The following ZNF836 variants were observed in gnomAD, a reference collection of about 807,000 sequenced individuals.
ZNF836 encodes the protein zinc finger protein 836.
In ZNF836, 12 loss-of-function variants were observed where a neutral mutation model predicts 7.4. The ratio of observed to expected loss-of-function variants is 1.61; its 90% CI spans 1.03 to 2.61. ZNF836 has a LOEUF of 2.61. ZNF836 is among the 30% of genes most tolerant of loss of function. The pLI is 0.00. For synonymous variants in ZNF836, 365 were observed against 382.6 expected (o/e 0.95, Z 0.54); for missense variants, 998 against 1,126.2 (o/e 0.89, Z 1.63).
Position 52,160,503 on chromosome 19 carries a change from T to TC in ZNF836, c.103dup (p.Asp35GlyfsTer18). On this transcript the variant is annotated frameshift_variant, in exon 4 of 5. Transcript: ENST00000682614. LOFTEE classifies it low-confidence loss of function (END_TRUNC). Reference sequence around the variant, plus strand: ...GTTCCTGTAGTTCTCCAACATCACATCCCAGTACAAAGCTTTCTGCACAGG... The same window carrying TC: ...GTTCCTGTAGTTCTCCAACATCACATCCCCAGTACAAAGCTTTCTGCACAGG... The TC allele has an allele frequency of 6.2e-7, 1 of 1,614,138 alleles. No individual in the cohort carries two copies. Among genetic ancestry groups the TC allele is most frequent in the South Asian group, 1.1e-5 (1 of 91,086 alleles).
chr19:52,156,679 C>G lies in ZNF836; in HGVS notation c.1004G>C (p.Cys335Ser), dbSNP rs757500805. ...TGEKPYKCNE[C>S]GKTFKQGSCL... is the part of the protein sequence containing the mutation. ...TGAGCCTTGTTTGAAGGTTTTCCCA[C>G]ACTCATTACATTTGTAAGGTTTCTC... Residue 335 changes from cysteine (C) to serine (S), a missense_variant, in exon 5 of 5, where the codon TGT becomes TCT. Transcript: ENST00000682614. The G allele has an allele frequency of 1.2e-6, 2 of 1,613,982 alleles. No individual in the cohort carries two copies. The highest frequency in any genetic ancestry group is 1.7e-6 in the Non-Finnish European group (2 of 1,179,998).
intron 3 of ZNF836, among the ~76,000 whole-genome samples, chr19:52,167,652 T>C (rs7246914): frequency 0.79 from 119,425 of 151,946 alleles, 47,300 homozygotes; most frequent in African/African-American, 0.83. Flanking sequence ...CCCTCATAGG[T>C]CTCTTTTCCA....
Position 52,155,225 on chromosome 19 carries a change from T to C in ZNF836, c.2458A>G (p.Ile820Val), listed in dbSNP as rs1396032138. 2 of 1,613,968 alleles carry C rather than the reference T, an allele frequency of 1.2e-6. No individual in the cohort carries two copies. The highest frequency in any genetic ancestry group is 1.7e-6 in the Non-Finnish European group (2 of 1,179,920). ...ECGKAFRVRS[I>V]LVNHQKMHTG... Reference sequence around the variant, plus strand: ...TGCATTTTCTGATGATTAACCAGAATTGAACGCACTCTAAAGGCTTTGCCA... The same window carrying C: ...TGCATTTTCTGATGATTAACCAGAACTGAACGCACTCTAAAGGCTTTGCCA... The change falls in exon 5 of 5, where the codon ATT becomes GTT. Residue 820 changes from isoleucine to valine, a missense_variant. Physicochemically the swap from Ile to Val is conservative, Grantham distance 29. Coordinates refer to ENST00000682614, the MANE Select transcript of ZNF836 (RefSeq NM_001102657.3).
Position 52,155,000 on chromosome 19 carries a change from A to G in ZNF836, c.2683T>C (p.Cys895Arg), listed in dbSNP as rs1365722770. Residue 895 changes from cysteine to arginine, a missense_variant, in exon 5 of 5, where the codon TGT (cysteine) becomes CGT (arginine). Transcript: ENST00000682614. Reference protein sequence around the residue: ...SGEKPYKCNECGKSFISRSGL... With the variant: ...SGEKPYKCNERGKSFISRSGL... The stretch of plus-strand genomic sequence containing the variant: ...GAGCGACTAATGAAAGATTTGCCAC[A>G]CTCATTACATTTATAAGGTTTTTCT... 6.2e-7 allele frequency: 1 copy of G among 1,613,270 alleles called. No homozygotes were observed. Among genetic ancestry groups the G allele is most frequent in the Non-Finnish European group, 8.5e-7 (1 of 1,179,572 alleles).
chr19:52,158,931 A>T (rs907768511), intron 4 of ZNF836, among the ~76,000 whole-genome samples: 1 of 152,176 alleles, frequency 6.6e-6, no homozygotes, highest in Non-Finnish European at 1.5e-5. Context: ...ACCATGGTAG[A>T]TAGAATTTCA....
chr19:52,155,454 C>G lies in ZNF836; in HGVS notation c.2229G>C (p.Arg743Ser). 6.2e-7 allele frequency: 1 copy of G among 1,613,846 alleles called. No individual in the cohort carries two copies. Among genetic ancestry groups the G allele is most frequent in the South Asian group, 1.1e-5 (1 of 91,074 alleles). ...ATTTGTATGGCATCTCTCCAGTATG[C>G]CTTCTCTGATGGTACGTCAGGCCTG... ...HITGLTYHQR[R>S]HTGEMPYKCI... Residue 743 changes from arginine (R) to serine (S), a missense_variant, in exon 5 of 5, where the codon AGG (arginine) becomes AGC (serine). Arg to Ser is a moderately radical substitution (Grantham distance 110, BLOSUM62 -1). Coordinates refer to ENST00000682614, the MANE Select transcript of ZNF836 (RefSeq NM_001102657.3).
Position 52,156,088 on chromosome 19 carries a change from CCACATT to C in ZNF836, c.1589_1594del (p.Glu530_Cys531del). 2 of 1,614,062 alleles carry C rather than the reference CCACATT, an allele frequency of 1.2e-6. No homozygotes were observed. Among genetic ancestry groups the C allele is most frequent in the Non-Finnish European group, 1.7e-6 (2 of 1,179,908 alleles). On this transcript the variant is annotated inframe_deletion, in exon 5 of 5. Coordinates refer to ENST00000682614, the MANE Select transcript of ZNF836 (RefSeq NM_001102657.3). ...GCATGAATTTTCACTAAAGACCTTTCCACATTCACCGCATTGGTAACGTTTCTCTCT... is the reference window on the plus strand; with the variant it reads ...GCATGAATTTTCACTAAAGACCTTTCCACCGCATTGGTAACGTTTCTCTCT...
At chr19:52,160,642 T>C (rs1219368810) in intron 3 of ZNF836, 51 bp from the exon 4 acceptor site, 3 of 1,545,146 alleles carry the variant, frequency 1.9e-6, no homozygotes, top group Non-Finnish European at 2.6e-6. Context: ...CTCTTATCTA[T>C]ACATAAAATG....
chr19:52,154,868 T>C lies in ZNF836; in HGVS notation c.*4A>G, dbSNP rs535643253. ...AATATACAAGCTATATCAATAAGTATGAATTATTTGAACCCAGAAGTTAGG... is the reference window on the plus strand; with the variant it reads ...AATATACAAGCTATATCAATAAGTACGAATTATTTGAACCCAGAAGTTAGG... On this transcript the variant is annotated 3_prime_UTR_variant, in exon 5 of 5. Coordinates refer to ENST00000682614, the MANE Select transcript of ZNF836 (RefSeq NM_001102657.3). The C allele has an allele frequency of 3.6e-5, 54 of 1,507,202 alleles. No individual in the cohort carries two copies. In the South Asian group the frequency reaches 6.9e-4, roughly 19 times the overall value. The allele number at this position is 1,507,202 out of a possible 1,614,324, so 93.4% of individuals were successfully genotyped here. A position where few individuals can be genotyped will look rare whatever the true frequency, so the allele number is the denominator to read the frequency against.
intron 3 of ZNF836, among the ~76,000 whole-genome samples, chr19:52,165,908 A>T (rs1351934719): frequency 6.6e-6 from 1 of 151,620 alleles, no homozygotes; most frequent in East Asian, 1.9e-4. Flanking sequence ...TCTTTGCTCA[A>T]TTTTTTTTTA....
At chr19:52,165,296 TG>T (rs1434141577) in intron 3 of ZNF836, 1 of 152,152 alleles carries the variant, frequency 6.6e-6, no homozygotes, top group East Asian at 1.9e-4. Flanking sequence ...CAGACATCTG[TG>T]GTAAAGATAG....
rs769788524 is a variant in ZNF836 at position 52,155,699 on chromosome 19, C to T, written c.1984G>A (p.Gly662Arg). The T allele has an allele frequency of 1.5e-5, 24 of 1,614,052 alleles. No homozygotes were observed. In the East Asian group the frequency reaches 1.6e-4, roughly 10 times the overall value. ...CLARHRKIHT[G>R]EKPYKCNDCG... Reference sequence around the variant, plus strand: ...TCATTACATTTGTAAGGTTTCTCTCCGGTATGAATTTTCCGATGACGTGCT... The same window carrying T: ...TCATTACATTTGTAAGGTTTCTCTCTGGTATGAATTTTCCGATGACGTGCT... The change falls in exon 5 of 5, where the codon GGA becomes AGA. Residue 662 changes from glycine (G) to arginine (R), a missense_variant. By Grantham distance (125) the Gly-to-Arg change is moderately radical (BLOSUM62 -2). Coordinates refer to ENST00000682614, the MANE Select transcript of ZNF836 (RefSeq NM_001102657.3).
Position 52,156,932 on chromosome 19 carries a change from A to T in ZNF836, c.751T>A (p.Cys251Ser), listed in dbSNP as rs1335967184. The T allele has an allele frequency of 6.2e-7, 1 of 1,614,084 alleles. No homozygotes were observed. The highest frequency in any genetic ancestry group is 1.3e-5 in the African/African-American group (1 of 74,944). ...TTEKPYKCNE[C>S]GKAFHRGSLL... ...GAGCCCCGATGAAAGGCTTTGCCAC[A>T]TTCATTGCATTTGTAAGGTTTCTCT... Residue 251 changes from cysteine to serine, a missense_variant, in exon 5 of 5, where the codon TGT becomes AGT. Physicochemically the swap from Cys to Ser is moderately radical, Grantham distance 112. Transcript: ENST00000682614.
intron 4 of ZNF836, 37 bp from the exon 5 acceptor site, chr19:52,157,577 G>GTT (rs768205821): frequency 2.1e-4 from 245 of 1,173,558 alleles, no homozygotes; most frequent in Middle Eastern, 7.3e-4. Flanking sequence ...TTTTTCGTTG[G>GTT]TTTTTTTTTT....
rs753993620 is a variant in ZNF836, at chr19:52,156,060, A to G, written c.1623T>C (p.Leu541=). The G allele has an allele frequency of 2.5e-6, 4 of 1,613,916 alleles. No individual in the cohort carries two copies. The East Asian group carries it at 8.9e-5, about 36-fold the overall frequency. The part of the protein sequence containing the change: ...CGKVFSENSC[L]VRHLRIHTGE... ...CAGTATGAATTCTTAAATGTCTTAC[A>G]AGGCATGAATTTTCACTAAAGACCT... The change falls in exon 5 of 5, where the codon CTT becomes CTC. Residue 541 remains leucine (L), a synonymous_variant. Coordinates refer to ENST00000682614, the MANE Select transcript of ZNF836 (RefSeq NM_001102657.3).
chr19:52,170,931 AG>A (rs3214552), intron 1 of ZNF836, among the ~76,000 whole-genome samples: 2 of 152,070 alleles, frequency 1.3e-5, no homozygotes, highest in Non-Finnish European at 2.9e-5. Context: ...ACCTCCCCCA[AG>A]GGGGGGATCG....
Position 52,154,532 on chromosome 19 carries a change from A to ATG in ZNF836, c.*339_*340insCA. On this transcript the variant is annotated 3_prime_UTR_variant, in exon 5 of 5. Coordinates refer to ENST00000682614, the MANE Select transcript of ZNF836 (RefSeq NM_001102657.3). ...AAATTAGCCAGGCATGGTGGTGTGC[A>ATG]CCTGTAGTCCCAGCTACTCAGGGAG... is the stretch of plus-strand genomic sequence containing the variant. 1 of 172,054 alleles carries ATG rather than the reference A, an allele frequency of 5.8e-6. No homozygotes were observed. The highest frequency in any genetic ancestry group is 1.3e-5 in the Non-Finnish European group (1 of 79,758). 10.7% of individuals were successfully genotyped at this position (172,054 alleles called of 1,614,324 possible).
chr19:52,157,467 T>C lies in ZNF836; in HGVS notation c.216A>G (p.Thr72=), dbSNP rs2089176241. 6.3e-7 allele frequency: 1 copy of C among 1,591,782 alleles called. No individual in the cohort carries two copies. The highest frequency in any genetic ancestry group is 1.4e-5 in the African/African-American group (1 of 73,618). ...AACATTCATGTCTTTCCAGCGTCAC[T>C]GTTTGGCATTTTTCTCCTGTATTAC... ...GNSNTGEKCQ[T]VTLERHECYD... Residue 72 remains threonine (T), a synonymous_variant, in exon 5 of 5, where the codon ACA becomes ACG. Transcript: ENST00000682614.
At chr19:52,164,626 A>G (rs2089246085) in intron 3 of ZNF836, among the ~76,000 whole-genome samples, 1 of 152,210 alleles carries the variant, frequency 6.6e-6, no homozygotes, top group African/African-American at 2.4e-5. Flanking sequence ...TTTGACAGGG[A>G]GAGAAACAAA....
Sources: allele counts gnomAD v4.1 joint callset (sites outside exome capture counted in the v4.1 genomes callset), GRCh38; gene constraint gnomAD v4.1.1; transcripts MANE v1.5; gene names NCBI Gene and HGNC (gene_info 2026-07-23, HGNC 2026-07-21).